The following SYMPK variants were observed in gnomAD, a reference collection of about 807,000 sequenced individuals.
SYMPK encodes symplekin scaffold protein.
Under a neutral mutation model 136.4 loss-of-function variants are expected in SYMPK, and 49 were observed. The observed-to-expected ratio is 0.36, with a 90% CI of 0.29 to 0.46. The LOEUF is 0.46. Among genes scored for constraint, SYMPK ranks in the 20% least tolerant of loss-of-function variants. SYMPK has a pLI of 1.00. For synonymous variants in SYMPK, 766 were observed against 713.0 expected (o/e 1.07, Z -1.19); for missense variants, 1,365 against 1,690.0 (o/e 0.81, Z 3.37).
chr19:45,862,980 G>GGC, intron 1 of SYMPK, 78 bp downstream of exon 1: 1 of 377,396 alleles, frequency 2.6e-6, no homozygotes. Flanking sequence ...CCACGGCGAT[G>GGC]CCCTCCCCGC....
intron 8 of SYMPK, 114 bp from the exon 9 acceptor site, chr19:45,842,603 T>C: frequency 6.8e-7 from 1 of 1,460,800 alleles, no homozygotes; most frequent in Non-Finnish European, 9.2e-7. Flanking sequence ...ACTAGAAAAG[T>C]TCCTTCACCC....
At position 45,847,991 on chromosome 19, in the gene SYMPK, T is replaced by A. The variant is rs1174635945; in HGVS notation, c.437A>T (p.Lys146Met). Residue 146 changes from lysine to methionine, a missense_variant, in exon 7 of 27, where the codon AAG becomes ATG. Physicochemically the swap from Lys to Met is moderately conservative, Grantham distance 95. Around this residue, in one of 11 missense-constraint regions of SYMPK, gnomAD observed 237 missense variants for 292.9 expected, o/e 0.81. Coordinates refer to ENST00000245934, the MANE Select transcript of SYMPK (RefSeq NM_004819.3). ...LYKVALQWMVKSRVISELQEA... is the reference protein window; with the variant it reads ...LYKVALQWMVMSRVISELQEA... ...CTGTAGCTCGCTAATGACCCGTGAC[T>A]TTACCATCCACTGCCAGCAGGCCAG... The A allele has an allele frequency of 6.3e-7, 1 of 1,584,400 alleles. No homozygotes were observed. The highest frequency in any genetic ancestry group is 1.3e-5 in the African/African-American group (1 of 74,464).
At chr19:45,850,116 G>A (rs2146338979) in intron 5 of SYMPK, among the ~76,000 whole-genome samples, 1 of 152,116 alleles carries the variant, frequency 6.6e-6, no homozygotes, top group East Asian at 1.9e-4. Flanking sequence ...GTGGTGGCAG[G>A]CACCTGTAAT....
chr19:45,817,380 G>A (rs938757664), intron 23 of SYMPK, among the ~76,000 whole-genome samples: 37 of 151,150 alleles, frequency 2.4e-4, no homozygotes, highest in Admixed American at 2.3e-3. Context: ...CCTCCAGGGG[G>A]CGACATTAGT....
At chr19:45,830,008 G>A (rs1456777519) in intron 13 of SYMPK, 46 bp downstream of exon 13, 1 of 1,519,058 alleles carries the variant, frequency 6.6e-7, no homozygotes, top group Non-Finnish European at 8.9e-7. Flanking sequence ...GTAGACGTTT[G>A]GGTAGAGGGA....
chr19:45,862,759 G>C (rs961593826), intron 1 of SYMPK, among the ~76,000 whole-genome samples: 1 of 152,214 alleles, frequency 6.6e-6, no homozygotes, highest in African/African-American at 2.4e-5. Flanking sequence ...AAGCGGGAAA[G>C]CGCATGGCAA....
chr19:45,853,483 C>T (rs1013066335), intron 3 of SYMPK, among the ~76,000 whole-genome samples: 14 of 151,970 alleles, frequency 9.2e-5, no homozygotes, highest in African/African-American at 3.1e-4. Context: ...ACTAAAAATA[C>T]AAAAATTAGC....
intron 22 of SYMPK, chr19:45,820,316 G>C (rs568178738): frequency 8.5e-5 from 13 of 152,406 alleles, no homozygotes; most frequent in Admixed American, 3.3e-4. Context: ...TATGAGCCTG[G>C]AGATCTTTCC....
At chr19:45,841,873 G>C (rs1219374062) in intron 9 of SYMPK, among the ~76,000 whole-genome samples, 1 of 151,194 alleles carries the variant, frequency 6.6e-6, no homozygotes, top group East Asian at 1.9e-4. Context: ...GGGATAAGAG[G>C]GATACTATTT....
intron 1 of SYMPK, among the ~76,000 whole-genome samples, chr19:45,858,664 T>C (rs941777063): frequency 1.1e-4 from 16 of 152,112 alleles, no homozygotes; most frequent in Admixed American, 3.9e-4. Context: ...TACAGGCATG[T>C]GCCACCACGC....
intron 9 of SYMPK, among the ~76,000 whole-genome samples, chr19:45,840,947 G>C (rs1316879697): frequency 1.3e-5 from 2 of 151,354 alleles, no homozygotes; most frequent in African/African-American, 4.9e-5. Context: ...ACTTAATTAT[G>C]AAAAAACATA....
intron 8 of SYMPK, among the ~76,000 whole-genome samples, chr19:45,843,505 C>A (rs540316131): frequency 6.6e-6 from 1 of 152,120 alleles, no homozygotes; most frequent in Non-Finnish European, 1.5e-5. Flanking sequence ...CATGTCATTT[C>A]ACCCCCACAT....
chr19:45,816,581 G>A lies in SYMPK; in HGVS notation c.3259-4C>T, dbSNP rs1425029020. 3 of 1,613,574 alleles carry A rather than the reference G, an allele frequency of 1.9e-6. No individual in the cohort carries two copies. The Admixed American group carries it at 5.0e-5, about 27-fold the overall frequency. ...TGGAGTTAGGGATGTGAGCTTGCTG[G>A]GTGGAGAGCAGGAAGGGGGCGCTGG... On this transcript the variant is annotated splice_polypyrimidine_tract_variant and splice_region_variant and intron_variant, in intron 24 of 26. Coordinates refer to ENST00000245934, the MANE Select transcript of SYMPK (RefSeq NM_004819.3).
rs1221097347 is a variant in SYMPK, at chr19:45,821,721, G to T, written c.2792-236C>A. Among the ~76,000 whole-genome samples, 1 of 152,222 alleles carries T rather than the reference G, an allele frequency of 6.6e-6. No individual in the cohort carries two copies. Among genetic ancestry groups the T allele is most frequent in the East Asian group, 1.9e-4 (1 of 5,194 alleles). On this transcript the variant is annotated intron_variant, in intron 21 of 26. Coordinates refer to ENST00000245934, the MANE Select transcript of SYMPK (RefSeq NM_004819.3). The surrounding 1 kb of genome is among the most constrained non-coding windows in gnomAD (Gnocchi z 4.4). ...CCTCCCCATCCTGGGCTCCCACCCT[G>T]GGTAGCGTGTGGCACGGCTGGGTCT... is the stretch of plus-strand genomic sequence containing the variant.
intron 9 of SYMPK, 149 bp from the exon 10 acceptor site, chr19:45,838,764 C>A: frequency 1.1e-6 from 1 of 886,524 alleles, no homozygotes; most frequent in African/African-American, 1.7e-5. Flanking sequence ...AGCTCTGCCT[C>A]TGGTGCCAAA....
At chr19:45,824,706 G>T (rs1048606157) in intron 18 of SYMPK, among the ~76,000 whole-genome samples, 1 of 152,234 alleles carries the variant, frequency 6.6e-6, no homozygotes, top group Admixed American at 6.5e-5. Context: ...TCACTGAGCT[G>T]CTTCTCATGT....
chr19:45,843,966 AAAAAG>A (rs1884802913), intron 8 of SYMPK, 59 bp downstream of exon 8: 19 of 1,024,312 alleles, frequency 1.9e-5, no homozygotes, highest in South Asian at 5.9e-5. Flanking sequence ...AAAAAAAAAA[AAAAAG>A]AAAGAGCAGA....
intron 9 of SYMPK, among the ~76,000 whole-genome samples, chr19:45,839,319 A>C (rs1971381329): frequency 6.6e-6 from 1 of 152,228 alleles, no homozygotes; most frequent in African/African-American, 2.4e-5. Flanking sequence ...GGGTTCCTTA[A>C]AAAGAAAGAC....
At position 45,821,371 on chromosome 19, in the gene SYMPK, G is replaced by T. The variant is rs201370293; in HGVS notation, c.2893+13C>A. 21 of 1,608,772 alleles carry T rather than the reference G, an allele frequency of 1.3e-5. No individual in the cohort carries two copies. Among genetic ancestry groups the T allele is most frequent in the Non-Finnish European group, 9.4e-6 (11 of 1,175,462 alleles). ...AGGGGCCAGGCCACTGGAGTGGGGG[G>T]GAAGCGCCTCACCTTTGATGATGGA... is the stretch of plus-strand genomic sequence containing the variant. On this transcript the variant is annotated intron_variant, in intron 22 of 26. Coordinates refer to ENST00000245934, the MANE Select transcript of SYMPK (RefSeq NM_004819.3). The surrounding 1 kb of genome is among the most constrained non-coding windows in gnomAD (Gnocchi z 4.4).
Sources: allele counts gnomAD v4.1 joint callset (sites outside exome capture counted in the v4.1 genomes callset), GRCh38; gene constraint gnomAD v4.1.1; regional missense constraint gnomAD v4.1.1; non-coding constraint Gnocchi (gnomAD v3.1); transcripts MANE v1.5; gene names NCBI Gene and HGNC (gene_info 2026-07-23, HGNC 2026-07-21).